The following SLC39A11 variants were observed in gnomAD, a reference collection of about 807,000 sequenced individuals.
The protein encoded by SLC39A11 is solute carrier family 39 member 11.
In SLC39A11, 33 loss-of-function variants were observed where a neutral mutation model predicts 36.1. The observed-to-expected ratio is 0.91, with a 90% CI of 0.69 to 1.22. SLC39A11 has a LOEUF of 1.22. SLC39A11 is among the 50% of genes most tolerant of loss of function. The probability of loss-of-function intolerance (pLI) is 0.00; values close to 1 mark genes in which losing one functional copy is unlikely to be tolerated. For missense variants in SLC39A11, 432 were observed against 430.3 expected (o/e 1.00, Z -0.03); for synonymous variants, 166 against 170.3 (o/e 0.97, Z 0.20).
At chr17:72,658,089 C>A (rs777847855) in intron 7 of SLC39A11, among the ~76,000 whole-genome samples, 3 of 152,218 alleles carry the variant, frequency 2.0e-5, no homozygotes, top group Non-Finnish European at 4.4e-5. Flanking sequence ...ACAATTCAGG[C>A]TGCTTAGGAA....
chr17:72,780,946 CA>C (rs2076296171), intron 6 of SLC39A11, among the ~76,000 whole-genome samples: 1 of 152,130 alleles, frequency 6.6e-6, no homozygotes, highest in African/African-American at 2.4e-5. Flanking sequence ...CAGATCGCGC[CA>C]TTGCATTGCA....
intron 7 of SLC39A11, among the ~76,000 whole-genome samples, chr17:72,660,027 C>G (rs1307327681): frequency 6.6e-6 from 1 of 152,194 alleles, no homozygotes; most frequent in Non-Finnish European, 1.5e-5. Context: ...GGTCCCTATA[C>G]TATCTTTGGG....
At position 72,709,656 on chromosome 17, in the gene SLC39A11, G is replaced by T. The variant is rs115367619; in HGVS notation, c.671+26994C>A. ...CACGTAAGTGTATGAGAGAGACAGG[G>T]AGAGAGAGAGAACTTTCCAGGTTCA... is the stretch of plus-strand genomic sequence containing the variant. On this transcript the variant is annotated intron_variant, in intron 7 of 9. Coordinates refer to ENST00000255559, the MANE Select transcript of SLC39A11 (RefSeq NM_139177.4). 7.3e-3 allele frequency among the ~76,000 whole-genome samples: 1,113 copies of T among 152,318 alleles called. 7 individuals are homozygous for T. Among genetic ancestry groups the T allele is most frequent in the African/African-American group, 0.023 (945 of 41,574 alleles).
intron 4 of SLC39A11, among the ~76,000 whole-genome samples, chr17:73,030,455 TA>T (rs1203606963): frequency 6.6e-6 from 1 of 152,082 alleles, no homozygotes; most frequent in Non-Finnish European, 1.5e-5. Flanking sequence ...CTTGGGAAGT[TA>T]AGGAAAAAAG....
chr17:72,885,748 C>G (rs532479843), intron 5 of SLC39A11, among the ~76,000 whole-genome samples: 8 of 152,294 alleles, frequency 5.3e-5, no homozygotes, highest in East Asian at 3.9e-4. Context: ...GTCCACACTT[C>G]CCCCCTCATC....
intron 7 of SLC39A11, among the ~76,000 whole-genome samples, chr17:72,682,396 T>C (rs2071547651): frequency 1.4e-5 from 2 of 146,444 alleles, no homozygotes; most frequent in Non-Finnish European, 3.0e-5. Flanking sequence ...ATAAAAAATA[T>C]GTGTTGATCG....
intron 4 of SLC39A11, among the ~76,000 whole-genome samples, chr17:72,952,806 G>A (rs552157527): frequency 7.9e-5 from 12 of 152,244 alleles, no homozygotes; most frequent in Admixed American, 2.6e-4. Context: ...AACGCAAGCT[G>A]TTCTTGACTT....
intron 7 of SLC39A11, among the ~76,000 whole-genome samples, chr17:72,689,638 C>T (rs575571121): frequency 6.6e-6 from 1 of 152,286 alleles, no homozygotes; most frequent in South Asian, 2.1e-4. Flanking sequence ...TGATCTATGC[C>T]ACAATGCAGA....
intron 3 of SLC39A11, among the ~76,000 whole-genome samples, chr17:73,054,969 G>T (rs1190893534): frequency 1.3e-5 from 2 of 152,144 alleles, no homozygotes; most frequent in African/African-American, 4.8e-5. Context: ...GAAGGGATCA[G>T]GGTCCAGAAG....
intron 4 of SLC39A11, among the ~76,000 whole-genome samples, chr17:73,012,274 AAAAAT>A (rs1481216216): frequency 6.6e-6 from 1 of 152,036 alleles, no homozygotes; most frequent in Admixed American, 6.6e-5. Context: ...ACTCTGTCTC[AAAAAT>A]AAAATAAAAT....
rs144108349 is a variant in SLC39A11 at position 73,010,483 on chromosome 17, C to T, written c.306+21073G>A. Among the ~76,000 whole-genome samples the T allele has an allele frequency of 5.5e-4, 83 of 152,248 alleles. 1 individual carries two copies. Among genetic ancestry groups the T allele is most frequent in the African/African-American group, 1.7e-3 (69 of 41,546 alleles). On this transcript the variant is annotated intron_variant, in intron 4 of 9. Transcript: ENST00000255559. ...TCAATGGTCACTGACCTTGGCTGAA[C>T]GTCAGAGTCCTTACGGGAACTTTTT...
rs759412772 is a variant in SLC39A11 at position 72,757,747 on chromosome 17, C to T, written c.602-21028G>A. 5.3e-5 allele frequency among the ~76,000 whole-genome samples: 8 copies of T among 152,056 alleles called. No homozygotes were observed. The East Asian group carries it at 5.8e-4, about 11-fold the overall frequency. ...GAAGTCCTCTCCTCCAGGCAGCCAT[C>T]GCTGGCTCCCTAGTCTGGGTTAGGA... On this transcript the variant is annotated intron_variant, in intron 6 of 9. Coordinates refer to ENST00000255559, the MANE Select transcript of SLC39A11 (RefSeq NM_139177.4).
At chr17:72,896,774 G>A (rs2082049842) in intron 5 of SLC39A11, among the ~76,000 whole-genome samples, 1 of 152,046 alleles carries the variant, frequency 6.6e-6, no homozygotes, top group African/African-American at 2.4e-5. Flanking sequence ...CTCACAGCCA[G>A]GTGCGGTGGC....
At chr17:73,032,112 T>C (rs1357334916) in intron 3 of SLC39A11, among the ~76,000 whole-genome samples, 2 of 152,184 alleles carry the variant, frequency 1.3e-5, no homozygotes, top group Middle Eastern at 3.4e-3. Context: ...AGGCCAAGCA[T>C]GCTGGTAAAC....
chr17:73,067,826 T>C, intron 3 of SLC39A11: 1 of 1,547,034 alleles, frequency 6.5e-7, no homozygotes, highest in Admixed American at 1.7e-5. Flanking sequence ...GTCTCTTCTG[T>C]GAAAATCCAT....
At chr17:72,743,750 G>T (rs988787067) in intron 6 of SLC39A11, among the ~76,000 whole-genome samples, 1 of 152,132 alleles carries the variant, frequency 6.6e-6, no homozygotes, top group African/African-American at 2.4e-5. Context: ...ACTCACTGGG[G>T]GGAAAAGGAA....
At chr17:72,871,060 T>C (rs1265827231) in intron 5 of SLC39A11, among the ~76,000 whole-genome samples, 2 of 150,798 alleles carry the variant, frequency 1.3e-5, no homozygotes, top group Non-Finnish European at 3.0e-5. Flanking sequence ...GTTTTTGTTT[T>C]TTTTTTTTTT....
At chr17:72,966,381 C>A (rs959208359) in intron 4 of SLC39A11, among the ~76,000 whole-genome samples, 8 of 152,070 alleles carry the variant, frequency 5.3e-5, no homozygotes, top group African/African-American at 9.7e-5. Context: ...CCGCCCCCCA[C>A]AGAGGGAGGC....
chr17:72,685,393 A>T (rs375422730), intron 7 of SLC39A11, among the ~76,000 whole-genome samples: 118 of 151,266 alleles, frequency 7.8e-4, no homozygotes, highest in African/African-American at 2.8e-3. Flanking sequence ...TGAGGGCAAA[A>T]TAACTTTCTG....
Sources: gnomAD v4.1 joint callset for allele counts (sites outside exome capture counted in the v4.1 genomes callset) on GRCh38, gnomAD v4.1.1 for gene constraint, MANE v1.5 for transcripts, NCBI Gene and HGNC (gene_info 2026-07-23, HGNC 2026-07-21) for gene names.